The following GRIN2A variants were observed in gnomAD, a reference collection of about 807,000 sequenced individuals.
GRIN2A encodes glutamate receptor ionotropic, NMDA 2A.
In GRIN2A, 22 loss-of-function variants were observed where a neutral mutation model predicts 113.4. The observed-to-expected ratio is 0.19, with a 90% confidence interval of 0.14 to 0.28. GRIN2A has a LOEUF of 0.28. GRIN2A is among the 10% of genes least tolerant of loss of function. The probability of loss-of-function intolerance (pLI) is 1.00; values close to 1 mark genes in which losing one functional copy is unlikely to be tolerated. For missense variants in GRIN2A, 1,502 were observed against 1,887.0 expected, an observed-to-expected ratio of 0.80 and a Z score of 3.78; for synonymous variants, 827 against 738.4, an observed-to-expected ratio of 1.12 and a Z score of -1.94.
chr16:9,796,557 G>A (rs145741112), intron 11 of GRIN2A, among the ~76,000 whole-genome samples: 2 of 152,356 alleles, frequency 1.3e-5, no homozygotes, highest in Non-Finnish European at 2.9e-5. Flanking sequence ...TTGGACAGAA[G>A]GATGTTAGCA....
chr16:9,883,264 C>A (rs756190972), intron 4 of GRIN2A, among the ~76,000 whole-genome samples: 6 of 152,140 alleles, frequency 3.9e-5, no homozygotes, highest in African/African-American at 1.2e-4. Flanking sequence ...CTGAAGTCGT[C>A]GATACCAACA....
chr16:10,004,388 CAA>C (rs890517757), intron 2 of GRIN2A, among the ~76,000 whole-genome samples: 2 of 136,982 alleles, frequency 1.5e-5, no homozygotes, highest in Admixed American at 7.4e-5. Context: ...GACTCCATCT[CAA>C]AAAAAAAAAA....
At chr16:10,112,118 G>C in intron 2 of GRIN2A, 1 of 596,402 alleles carries the variant, frequency 1.7e-6, no homozygotes, top group Non-Finnish European at 3.1e-6. Context: ...TGCTGTGCAG[G>C]GCAGCTGTGG....
intron 2 of GRIN2A, chr16:10,111,355 T>C: frequency 2.4e-6 from 1 of 423,982 alleles, no homozygotes; most frequent in South Asian, 2.1e-5. Flanking sequence ...CGCGGGTGTT[T>C]GTCGCTTCGC....
chr16:9,779,268 A>T (rs1227344399), intron 11 of GRIN2A, among the ~76,000 whole-genome samples: 2 of 152,234 alleles, frequency 1.3e-5, no homozygotes, highest in African/African-American at 4.8e-5. Flanking sequence ...ACTCCAAGGT[A>T]ACCTATGCTG....
At chr16:9,994,181 A>G (rs1213693190) in intron 2 of GRIN2A, among the ~76,000 whole-genome samples, 1 of 152,170 alleles carries the variant, frequency 6.6e-6, no homozygotes, top group East Asian at 1.9e-4. Context: ...ATCTTCAACA[A>G]TAGGCTCATT....
intron 2 of GRIN2A, among the ~76,000 whole-genome samples, chr16:9,976,528 C>T (rs2045776076): frequency 1.3e-5 from 2 of 152,124 alleles, no homozygotes; most frequent in South Asian, 2.1e-4. Context: ...TTAAAGTTGG[C>T]GTTTGAAACC....
intron 2 of GRIN2A, among the ~76,000 whole-genome samples, chr16:10,150,452 C>A (rs2049544656): frequency 6.6e-6 from 1 of 152,120 alleles, no homozygotes; most frequent in Admixed American, 6.5e-5. Flanking sequence ...AAAACAAAAC[C>A]AGGTCTATTT....
intron 2 of GRIN2A, among the ~76,000 whole-genome samples, chr16:10,053,947 C>A (rs1280999872): frequency 6.9e-6 from 1 of 144,136 alleles, no homozygotes. Flanking sequence ...CACACAAGAG[C>A]TGTATTATTA....
rs535981375 is a variant in GRIN2A, at chr16:9,779,469, G to T, written c.2357-10380C>A. Among the ~76,000 whole-genome samples, 3 of 152,208 alleles carry T rather than the reference G, an allele frequency of 2.0e-5. No homozygotes were observed. The East Asian group carries it at 5.8e-4, about 29-fold the overall frequency. ...GCTTAGTATACACAAGGAGCTTAATGGGCATCGGAGACTTAGTTGTGGAAT... is the reference window on the plus strand; with the variant it reads ...GCTTAGTATACACAAGGAGCTTAATTGGCATCGGAGACTTAGTTGTGGAAT... On this transcript the variant is annotated intron_variant, in intron 11 of 12. Coordinates refer to ENST00000330684, the MANE Select transcript of GRIN2A (RefSeq NM_001134407.3).
intron 2 of GRIN2A, among the ~76,000 whole-genome samples, chr16:9,964,625 C>T (rs948336253): frequency 4.6e-5 from 7 of 152,158 alleles, no homozygotes; most frequent in Non-Finnish European, 1.0e-4. Flanking sequence ...AGAGGCTGCC[C>T]ACATTCCTCG....
intron 8 of GRIN2A, among the ~76,000 whole-genome samples, chr16:9,831,213 TA>T (rs1413734869): frequency 6.6e-6 from 1 of 152,158 alleles, no homozygotes; most frequent in Non-Finnish European, 1.5e-5. Context: ...TCCTTTACAA[TA>T]GTCTTTCCAG....
chr16:9,854,449 A>G (rs1373809773), intron 4 of GRIN2A, among the ~76,000 whole-genome samples: 1 of 152,154 alleles, frequency 6.6e-6, no homozygotes, highest in Non-Finnish European at 1.5e-5. Context: ...TTGAATCCTG[A>G]AGACCTCAGT....
At chr16:10,014,127 G>C (rs1230821677) in intron 2 of GRIN2A, among the ~76,000 whole-genome samples, 1 of 152,218 alleles carries the variant, frequency 6.6e-6, no homozygotes, top group Non-Finnish European at 1.5e-5. Flanking sequence ...CTAATAAATG[G>C]GTAGGTGGTG....
intron 3 of GRIN2A, among the ~76,000 whole-genome samples, chr16:9,905,774 C>T (rs934010817): frequency 6.6e-6 from 1 of 152,044 alleles, no homozygotes; most frequent in Non-Finnish European, 1.5e-5. Flanking sequence ...TGCACCTGTC[C>T]CATGGCGGAT....
chr16:9,851,613 C>T (rs2042883764), intron 4 of GRIN2A, among the ~76,000 whole-genome samples: 1 of 152,164 alleles, frequency 6.6e-6, no homozygotes, highest in Non-Finnish European at 1.5e-5. Context: ...CTTTTCTTTC[C>T]ATTTGCCTTG....
intron 2 of GRIN2A, among the ~76,000 whole-genome samples, chr16:10,096,842 C>T (rs1373274142): frequency 6.6e-6 from 1 of 152,134 alleles, no homozygotes; most frequent in East Asian, 1.9e-4. Context: ...ACTAACCTGT[C>T]CTCTCCATCA....
intron 2 of GRIN2A, among the ~76,000 whole-genome samples, chr16:10,145,489 T>C (rs989932141): frequency 2.0e-5 from 3 of 149,584 alleles, no homozygotes; most frequent in African/African-American, 7.4e-5. Flanking sequence ...TTTAATATTA[T>C]TTAGATGTCA....
Position 10,145,543 on chromosome 16 carries a change from C to A in GRIN2A, c.414+34455G>T, listed in dbSNP as rs117794629. Among the ~76,000 whole-genome samples the A allele has an allele frequency of 8.2e-3, 1,242 of 151,930 alleles. 5 individuals carry two copies. The highest frequency in any genetic ancestry group is 0.014 in the Non-Finnish European group (973 of 67,980). ...AAAAAAAATTGACCATGAGTTGAAG[C>A]TGAATTGAGGGTACATGAGTGTTCA... On this transcript the variant is annotated intron_variant, in intron 2 of 12. Coordinates refer to ENST00000330684, the MANE Select transcript of GRIN2A (RefSeq NM_001134407.3).
Sources: gnomAD v4.1 joint callset for allele counts (sites outside exome capture counted in the v4.1 genomes callset) on GRCh38, gnomAD v4.1.1 for gene constraint, MANE v1.5 for transcripts, NCBI Gene and HGNC (gene_info 2026-07-23, HGNC 2026-07-21) for gene names.